Variants in USP48 observed in about 807,000 individuals in gnomAD.
USP48 encodes ubiquitin carboxyl-terminal hydrolase 48.
USP48 carries 43 observed loss-of-function variants against 150.7 expected under a neutral mutation model. The ratio of observed to expected loss-of-function variants is 0.29; its 90% CI spans 0.22 to 0.37. The LOEUF is 0.37. Ranked by LOEUF, USP48 falls within the 10% of genes least tolerant of loss-of-function variation. USP48 has a pLI of 1.00. For synonymous variants in USP48, 396 were observed against 425.9 expected (o/e 0.93, Z 0.86); for missense variants, 813 against 1,249.6 (o/e 0.65, Z 5.27).
intron 1 of USP48, among the ~76,000 whole-genome samples, chr1:21,762,926 T>C (rs1052309399): frequency 6.6e-6 from 1 of 150,738 alleles, no homozygotes; most frequent in African/African-American, 2.4e-5. Flanking sequence ...TACTCCCATG[T>C]GTCAAACACA....
At chr1:21,703,658 A>G (rs1571773194) in intron 20 of USP48, 40 bp from the exon 21 acceptor site, 1 of 1,411,218 alleles carries the variant, frequency 7.1e-7, no homozygotes, top group South Asian at 1.2e-5. Context: ...GAAGTGGCTG[A>G]GGAATCATTG....
intron 1 of USP48, among the ~76,000 whole-genome samples, chr1:21,766,667 C>A (rs1557603535): frequency 6.6e-6 from 1 of 152,108 alleles, no homozygotes; most frequent in Non-Finnish European, 1.5e-5. Flanking sequence ...GCTTCTTCCT[C>A]ATCACCTCTT....
chr1:21,781,908 C>G (rs545171849), intron 1 of USP48: 1 of 152,208 alleles, frequency 6.6e-6, no homozygotes, highest in East Asian at 1.9e-4. Context: ...AGAGCTTGGA[C>G]TTATTCGTTT....
chr1:21,701,378 A>G (rs1218095650), intron 22 of USP48, 120 bp downstream of exon 22: 11 of 737,474 alleles, frequency 1.5e-5, no homozygotes, highest in East Asian at 9.0e-5. Flanking sequence ...AAAAAAAAAA[A>G]AAAGAAAAAA....
chr1:21,696,263 AC>A (rs1280385715), intron 22 of USP48, among the ~76,000 whole-genome samples: 2 of 151,722 alleles, frequency 1.3e-5, no homozygotes, highest in East Asian at 1.9e-4. Flanking sequence ...AAATGGAGAA[AC>A]CCCCCTCTCT....
At chr1:21,741,887 T>C (rs2097782619) in intron 8 of USP48, among the ~76,000 whole-genome samples, 1 of 152,026 alleles carries the variant, frequency 6.6e-6, no homozygotes, top group African/African-American at 2.4e-5. Flanking sequence ...GGTGGGAGGA[T>C]TGCTTGAGTC....
Position 21,783,122 on chromosome 1 carries a change from CCCGCGCCCGA to C in USP48, c.-175_-166del. 1 of 1,097,810 alleles carries C rather than the reference CCCGCGCCCGA, an allele frequency of 9.1e-7. No individual in the cohort carries two copies. The highest frequency in any genetic ancestry group is 1.2e-6 in the Non-Finnish European group (1 of 838,416). 68.0% of individuals were successfully genotyped at this position (1,097,810 alleles called of 1,614,324 possible). On this transcript the variant is annotated 5_prime_UTR_variant, in exon 1 of 27. Coordinates refer to ENST00000308271, the MANE Select transcript of USP48 (RefSeq NM_032236.8). ...GTGCGCGCCACTGCCGCCGCGCCCG[CCCGCGCCCGA>C]CCCGCACGACCGGCCGCAAAGCGCC...
At chr1:21,717,139 A>G (rs1278548498) in intron 14 of USP48, among the ~76,000 whole-genome samples, 4 of 152,204 alleles carry the variant, frequency 2.6e-5, no homozygotes, top group Admixed American at 2.6e-4. Context: ...ACAGTGGCTC[A>G]CGCTTGTAAT....
At chr1:21,720,591 A>G (rs2097717748) in intron 14 of USP48, among the ~76,000 whole-genome samples, 1 of 151,506 alleles carries the variant, frequency 6.6e-6, no homozygotes, top group African/African-American at 2.4e-5. Context: ...GTAGTGGCGC[A>G]ATCTTGGGTC....
At chr1:21,733,418 A>G (rs1273327278) in intron 9 of USP48, among the ~76,000 whole-genome samples, 1 of 152,208 alleles carries the variant, frequency 6.6e-6, no homozygotes, top group African/African-American at 2.4e-5. Flanking sequence ...CTCTGTCTCA[A>G]AACAAAAAAA....
chr1:21,700,341 G>A (rs1053034127), intron 22 of USP48, among the ~76,000 whole-genome samples: 7 of 152,088 alleles, frequency 4.6e-5, no homozygotes, highest in Non-Finnish European at 1.0e-4. Flanking sequence ...TTTTATGAGC[G>A]CCAATAAGCC....
At chr1:21,762,414 T>C (rs1361874660) in intron 1 of USP48, among the ~76,000 whole-genome samples, 1 of 152,214 alleles carries the variant, frequency 6.6e-6, no homozygotes, top group African/African-American at 2.4e-5. Flanking sequence ...CCAAAGGTCT[T>C]TGGCAGATAG....
In USP48 at chr1:21,679,362, G is replaced by A. The variant is rs2097559083; in HGVS notation, c.*55C>T. Reference sequence around the variant, plus strand: ...CACCTTTGCTTTAATGCCCTAACATGTCAAACTCCTCTTCCCCTCTGGTCA... The same window carrying A: ...CACCTTTGCTTTAATGCCCTAACATATCAAACTCCTCTTCCCCTCTGGTCA... On this transcript the variant is annotated 3_prime_UTR_variant, in exon 27 of 27. Coordinates refer to ENST00000308271, the MANE Select transcript of USP48 (RefSeq NM_032236.8). 1.2e-6 allele frequency: 2 copies of A among 1,610,036 alleles called. No homozygotes were observed. The highest frequency in any genetic ancestry group is 2.7e-5 in the African/African-American group (2 of 74,816).
At chr1:21,743,016 T>A (rs180897718) in intron 8 of USP48, among the ~76,000 whole-genome samples, 195 of 150,624 alleles carry the variant, frequency 1.3e-3, no homozygotes, top group African/African-American at 4.4e-3. Context: ...GGTTTAAAAA[T>A]TTTTTTTTAA....
intron 9 of USP48, among the ~76,000 whole-genome samples, chr1:21,734,930 C>T (rs2097765428): frequency 6.6e-6 from 1 of 152,188 alleles, no homozygotes. Flanking sequence ...AAAGTACATA[C>T]TAGGATACTA....
intron 8 of USP48, among the ~76,000 whole-genome samples, chr1:21,741,845 ACAC>A (rs1331533024): frequency 6.6e-6 from 1 of 152,046 alleles, no homozygotes; most frequent in Non-Finnish European, 1.5e-5. Flanking sequence ...ATGGTACTAT[ACAC>A]CTGTGGTCCC....
chr1:21,695,867 T>C (rs1194811553), intron 22 of USP48, among the ~76,000 whole-genome samples: 3 of 152,092 alleles, frequency 2.0e-5, no homozygotes, highest in Non-Finnish European at 2.9e-5. Context: ...AAAAATAAAA[T>C]ATGGAACATT....
chr1:21,752,902 A>G, intron 4 of USP48, 90 bp downstream of exon 4: 1 of 1,446,932 alleles, frequency 6.9e-7, no homozygotes, highest in South Asian at 1.4e-5. Flanking sequence ...AATTTTTAAA[A>G]AGCATTCTAC....
chr1:21,688,510 C>T (rs562195299), intron 24 of USP48, among the ~76,000 whole-genome samples: 7 of 151,704 alleles, frequency 4.6e-5, no homozygotes, highest in East Asian at 4.0e-4. Flanking sequence ...TGAGCCACTG[C>T]GCCCAGTGAA....
Sources: allele counts gnomAD v4.1 joint callset (sites outside exome capture counted in the v4.1 genomes callset), GRCh38; gene constraint gnomAD v4.1.1; transcripts MANE v1.5; gene names NCBI Gene and HGNC (gene_info 2026-07-23, HGNC 2026-07-21).